The following CFAP61 variants were observed in gnomAD, a reference collection of about 807,000 sequenced individuals.
The protein encoded by CFAP61 is cilia and flagella associated protein 61.
Under a neutral mutation model 135.6 loss-of-function variants are expected in CFAP61, and 107 were observed. The ratio of observed to expected loss-of-function variants is 0.79; its 90% CI spans 0.67 to 0.93. CFAP61 has a LOEUF of 0.93. Ranked by LOEUF, CFAP61 falls within the 40% of genes least tolerant of loss-of-function variation. The pLI, the probability that CFAP61 is intolerant of heterozygous loss-of-function variation, is 0.00. For synonymous variants in CFAP61, 575 were observed against 578.5 expected, an observed-to-expected ratio of 0.99 and a Z score of 0.09; for missense variants, 1,507 against 1,556.2, an observed-to-expected ratio of 0.97 and a Z score of 0.53.
intron 8 of CFAP61, among the ~76,000 whole-genome samples, chr20:20,138,951 A>G (rs574229246): frequency 1.3e-5 from 2 of 152,148 alleles, no homozygotes; most frequent in East Asian, 3.9e-4. Flanking sequence ...ATGTCTTTAT[A>G]ATGTCTTAAT....
chr20:20,331,858 T>C (rs1170708484), intron 25 of CFAP61, among the ~76,000 whole-genome samples: 1 of 152,144 alleles, frequency 6.6e-6, no homozygotes, highest in Non-Finnish European at 1.5e-5. Context: ...CTCTGCAGCC[T>C]AATTAAAGGA....
chr20:20,139,307 C>G (rs1239459154), intron 8 of CFAP61, among the ~76,000 whole-genome samples: 1 of 152,192 alleles, frequency 6.6e-6, no homozygotes, highest in Admixed American at 6.5e-5. Flanking sequence ...TTGGCGGAGC[C>G]TGTGCTGGGA....
chr20:20,352,312 C>A lies in CFAP61; in HGVS notation c.3514-7898C>A, dbSNP rs374945981. On this transcript the variant is annotated intron_variant, in intron 26 of 26. Coordinates refer to ENST00000245957, the MANE Select transcript of CFAP61 (RefSeq NM_015585.4). Reference sequence around the variant, plus strand: ...GTTCACCCCACTATCATGAGAACACCCACTATCATGAGAACACCCACTATC... The same window carrying A: ...GTTCACCCCACTATCATGAGAACACACACTATCATGAGAACACCCACTATC... 3.3e-5 allele frequency among the ~76,000 whole-genome samples: 5 copies of A among 152,206 alleles called. No homozygotes were observed. In the East Asian group the frequency reaches 9.6e-4, roughly 29 times the overall value.
At chr20:20,336,820 C>G (rs1323000584) in intron 25 of CFAP61, among the ~76,000 whole-genome samples, 1 of 152,140 alleles carries the variant, frequency 6.6e-6, no homozygotes, top group Non-Finnish European at 1.5e-5. Context: ...CACACTCCAG[C>G]CCCCACCTCC....
intron 25 of CFAP61, among the ~76,000 whole-genome samples, chr20:20,320,758 A>C (rs917261183): frequency 6.6e-6 from 1 of 150,896 alleles, no homozygotes; most frequent in Non-Finnish European, 1.5e-5. Context: ...TCTCATAATA[A>C]GGAGTTATTT....
At chr20:20,085,507 T>C (rs1354480803) in intron 6 of CFAP61, 2 of 1,366,616 alleles carry the variant, frequency 1.5e-6, no homozygotes, top group Non-Finnish European at 2.0e-6. Flanking sequence ...TGGATGTTTT[T>C]CTATTTTTCC....
chr20:20,144,005 A>T (rs542563504), intron 9 of CFAP61, among the ~76,000 whole-genome samples: 18 of 152,362 alleles, frequency 1.2e-4, no homozygotes, highest in Admixed American at 2.6e-4. Flanking sequence ...GCAAGAGAGT[A>T]CACAAAAGAG....
rs150278729 is a variant in CFAP61, at chr20:20,310,182, C to T, written c.3422+11796C>T. 2.0e-4 allele frequency among the ~76,000 whole-genome samples: 31 copies of T among 152,114 alleles called. No individual in the cohort carries two copies. The East Asian group carries it at 5.0e-3, about 25-fold the overall frequency. On this transcript the variant is annotated intron_variant, in intron 25 of 26. Coordinates refer to ENST00000245957, the MANE Select transcript of CFAP61 (RefSeq NM_015585.4). ...CTAATTTTTGTATTTTTAGTAGAGA[C>T]GGGGTTTCACCATGTTGCCCAGACT... is the stretch of plus-strand genomic sequence containing the variant.
At chr20:20,231,656 C>G (rs2049146829) in intron 18 of CFAP61, among the ~76,000 whole-genome samples, 1 of 152,172 alleles carries the variant, frequency 6.6e-6, no homozygotes, top group Non-Finnish European at 1.5e-5. Context: ...AAGGACCCAG[C>G]CTTCTTTCCT....
chr20:20,292,062 A>G (rs571367521), intron 24 of CFAP61, among the ~76,000 whole-genome samples: 47 of 152,306 alleles, frequency 3.1e-4, no homozygotes, highest in African/African-American at 1.1e-3. Flanking sequence ...AAATCCTTAA[A>G]TGGGGGCCTA....
At chr20:20,091,175 C>A (rs556237330) in intron 7 of CFAP61, among the ~76,000 whole-genome samples, 199 bp downstream of exon 7, 2 of 152,272 alleles carry the variant, frequency 1.3e-5, no homozygotes, top group South Asian at 4.2e-4. Context: ...TTTGCGAGGT[C>A]CTTCCAGATG....
intron 21 of CFAP61, among the ~76,000 whole-genome samples, chr20:20,273,631 T>A (rs1252162257): frequency 6.6e-6 from 1 of 152,226 alleles, no homozygotes; most frequent in Non-Finnish European, 1.5e-5. Context: ...AGTACTGTGG[T>A]GATAATTACA....
intron 17 of CFAP61, among the ~76,000 whole-genome samples, chr20:20,226,618 T>C (rs1331015162): frequency 6.6e-6 from 1 of 152,240 alleles, no homozygotes; most frequent in Non-Finnish European, 1.5e-5. Flanking sequence ...CTCTTGGGGC[T>C]TCAACCTGGG....
chr20:20,144,532 G>A (rs1311587349), intron 9 of CFAP61, among the ~76,000 whole-genome samples: 2 of 151,980 alleles, frequency 1.3e-5, no homozygotes, highest in African/African-American at 4.8e-5. Context: ...ACGTATCAGT[G>A]AGTTTGGGGA....
chr20:20,164,007 A>T, intron 10 of CFAP61, 43 bp from the exon 11 acceptor site: 1 of 1,520,912 alleles, frequency 6.6e-7, no homozygotes, highest in African/African-American at 1.4e-5. Context: ...ATTACAGGGC[A>T]TTGACAGGAT....
intron 23 of CFAP61, among the ~76,000 whole-genome samples, 158 bp from the exon 24 acceptor site, chr20:20,290,142 A>G (rs1484653609): frequency 6.6e-6 from 1 of 152,200 alleles, no homozygotes; most frequent in Non-Finnish European, 1.5e-5. Flanking sequence ...AACGTCAACC[A>G]CCCCAGGGAG....
intron 26 of CFAP61, among the ~76,000 whole-genome samples, chr20:20,355,197 G>T: frequency 7.0e-6 from 1 of 143,210 alleles, no homozygotes; most frequent in African/African-American, 2.7e-5. Context: ...CTAAGGGGAG[G>T]TAGTCACACT....
intron 25 of CFAP61, among the ~76,000 whole-genome samples, chr20:20,333,224 C>T (rs759470094): frequency 1.8e-4 from 28 of 152,160 alleles, no homozygotes; most frequent in Non-Finnish European, 3.8e-4. Flanking sequence ...ATCATTGATA[C>T]GGAGCCTCTC....
chr20:20,178,878 C>A (rs6136960), intron 13 of CFAP61, among the ~76,000 whole-genome samples: 32,188 of 151,972 alleles, frequency 0.21, 3,906 homozygotes, highest in African/African-American at 0.33. Context: ...TATTTTCTTT[C>A]TTTATTTATT....
Sources: allele counts gnomAD v4.1 joint callset (sites outside exome capture counted in the v4.1 genomes callset), GRCh38; gene constraint gnomAD v4.1.1; transcripts MANE v1.5; gene names NCBI Gene and HGNC (gene_info 2026-07-23, HGNC 2026-07-21).